Variants in WDR62 observed in about 807,000 individuals in gnomAD.
WDR62 encodes WD repeat domain 62.
A neutral mutation model predicts 160.6 loss-of-function variants in WDR62; 112 were observed. That is an observed-to-expected ratio of 0.70 (90% CI 0.60 to 0.82). The LOEUF (loss-of-function observed/expected upper bound fraction) is 0.82. Ranked by LOEUF, WDR62 falls within the 40% of genes least tolerant of loss-of-function variation. The pLI is 0.00. For missense variants in WDR62, 1,819 were observed against 1,983.8 expected (o/e 0.92, Z 1.58); for synonymous variants, 792 against 815.1 (o/e 0.97, Z 0.48).
At chr19:36,084,859 TGTGTTCG>T in intron 12 of WDR62, 115 bp downstream of exon 12, 1 of 1,000,808 alleles carries the variant, frequency 1.0e-6, no homozygotes, top group Non-Finnish European at 1.5e-6. Flanking sequence ...CTGGGAGTTT[TGTGTTCG>T]GTAAGGGCCC....
At chr19:36,065,860 G>A in intron 3 of WDR62, 98 bp from the exon 4 acceptor site, 1 of 1,198,052 alleles carries the variant, frequency 8.3e-7, no homozygotes, top group Non-Finnish European at 1.2e-6. Flanking sequence ...CGAGGCTTGG[G>A]AGGCAGAAGA....
At chr19:36,088,800 T>G (rs1972409604) in intron 13 of WDR62, among the ~76,000 whole-genome samples, 1 of 152,186 alleles carries the variant, frequency 6.6e-6, no homozygotes, top group African/African-American at 2.4e-5. Flanking sequence ...CAGCCTTTGT[T>G]TCTCTATATG....
chr19:36,071,780 C>T, intron 8 of WDR62, 64 bp downstream of exon 8: 1 of 1,557,056 alleles, frequency 6.4e-7, no homozygotes, highest in South Asian at 1.2e-5. Context: ...TGGCATTCAT[C>T]CATGCTTCCA....
Position 36,067,928 on chromosome 19 carries a change from G to A in WDR62, c.800G>A (p.Gly267Asp). 1 of 1,614,196 alleles carries A rather than the reference G, an allele frequency of 6.2e-7. No homozygotes were observed. The change falls in exon 7 of 32, where the codon GGC (glycine) becomes GAC (aspartate). Residue 267 changes from glycine (G) to aspartate (D), a missense_variant. Gly to Asp is a moderately conservative substitution (Grantham distance 94). Coordinates refer to ENST00000401500, the MANE Select transcript of WDR62 (RefSeq NM_001083961.2). ...GVACGRGRMA[G>D]STFCVSYSGL... ...GCCTGCGGTCGGGGCCGGATGGCGG[G>A]CAGTACCTTCTGTGTGTCCTACTCG...
chr19:36,083,897 G>A (rs1485652229), intron 11 of WDR62, among the ~76,000 whole-genome samples: 1 of 152,126 alleles, frequency 6.6e-6, no homozygotes. Flanking sequence ...AGAAAGTGCC[G>A]ATTTTTTTCT....
At chr19:36,084,509 A>C in intron 11 of WDR62, 144 bp from the exon 12 acceptor site, 1 of 763,828 alleles carries the variant, frequency 1.3e-6, no homozygotes, top group Non-Finnish European at 2.3e-6. Flanking sequence ...TCTAAATGAG[A>C]AAAGTGGTTG....
chr19:36,092,908 G>C (rs1972720617), intron 19 of WDR62, 97 bp downstream of exon 19: 1 of 1,584,574 alleles, frequency 6.3e-7, no homozygotes, highest in African/African-American at 1.3e-5. Flanking sequence ...GACAGCCCTA[G>C]GCCCTGCCCT....
chr19:36,103,383 C>T lies in WDR62; in HGVS notation c.3555C>T (p.Ser1185=), dbSNP rs145448539. 1.2e-5 allele frequency: 20 copies of T among 1,613,994 alleles called. No individual in the cohort carries two copies. In the African/African-American group the frequency reaches 1.3e-4, roughly 11 times the overall value. The part of the protein sequence containing the change: ...LTSLASCVPA[S]SVLPTDRNLP... ...GCCTGGCGTCCTGTGTCCCTGCTTC[C>T]TCCGTGCTGCCCACAGACAGGAATC... is the stretch of plus-strand genomic sequence containing the variant. Residue 1185 remains serine, a synonymous_variant, in exon 30 of 32, where the codon TCC becomes TCT. Transcript: ENST00000401500.
rs371369263 is a variant in WDR62, at chr19:36,089,168, C to G, written c.1837-17C>G. ...GGTTGTCGGGGCATTCTCTGAAGGT[C>G]CTGCCGGCCCTGCCAGGGTTCGGAT... On this transcript the variant is annotated splice_polypyrimidine_tract_variant and intron_variant, in intron 14 of 31. Coordinates refer to ENST00000401500, the MANE Select transcript of WDR62 (RefSeq NM_001083961.2). 13 of 1,613,432 alleles carry G rather than the reference C, an allele frequency of 8.1e-6. No homozygotes were observed. In the African/African-American group the frequency reaches 1.6e-4, roughly 20 times the overall value.
intron 17 of WDR62, 31 bp downstream of exon 17, chr19:36,091,342 C>A: frequency 6.5e-7 from 1 of 1,549,872 alleles, no homozygotes; most frequent in Non-Finnish European, 8.9e-7. Flanking sequence ...GGGATGCCTC[C>A]CCACCCGCCC....
At chr19:36,100,906 G>T in intron 23 of WDR62, 31 bp downstream of exon 23, 1 of 1,613,886 alleles carries the variant, frequency 6.2e-7, no homozygotes, top group Non-Finnish European at 8.5e-7. Context: ...GGGAGCCTTA[G>T]TTGGAGGAAC....
intron 25 of WDR62, 43 bp from the exon 26 acceptor site, chr19:36,101,971 C>T (rs997642836): frequency 3.7e-6 from 6 of 1,613,690 alleles, no homozygotes; most frequent in Admixed American, 1.7e-5. Context: ...TGCTGTGACT[C>T]ATGGTGTTGG....
At chr19:36,068,349 A>AT (rs566847269) in intron 7 of WDR62, among the ~76,000 whole-genome samples, 3 of 151,008 alleles carry the variant, frequency 2.0e-5, no homozygotes, top group Admixed American at 6.6e-5. Context: ...AGAGGATTGC[A>AT]TTTTTTTTTA....
chr19:36,078,181 T>C (rs1459062949), intron 9 of WDR62, among the ~76,000 whole-genome samples: 1 of 149,926 alleles, frequency 6.7e-6, no homozygotes, highest in African/African-American at 2.5e-5. Flanking sequence ...GGAGTCTCAC[T>C]CTGTCGCCCA....
chr19:36,104,914 A>AC lies in WDR62; in HGVS notation c.4463dup (p.Ser1489ValfsTer57), dbSNP rs1340851521. 1 of 1,609,850 alleles carries AC rather than the reference A, an allele frequency of 6.2e-7. No homozygotes were observed. Among genetic ancestry groups the AC allele is most frequent in the Admixed American group, 1.7e-5 (1 of 59,874 alleles). On this transcript the variant is annotated frameshift_variant, in exon 32 of 32. Transcript: ENST00000401500. LOFTEE classifies it high-confidence loss of function. ...CAGCCCAGGCTCTGCCCAGCCCAGG[A>AC]CCCCCGTCCCCACCGACGCTGTACC...
chr19:36,086,812 G>A lies in WDR62; in HGVS notation c.1768G>A (p.Gly590Ser), dbSNP rs1972264242. ...SSSITAIKFA[G>S]NRDIQMISCG... The stretch of plus-strand genomic sequence containing the variant: ...CTCCATCACCGCCATCAAGTTCGCT[G>A]GTGAGCCCCTTTCTTCCCGCTCCCT... Residue 590 changes from glycine (G) to serine (S), a missense_variant and splice_region_variant, in exon 13 of 32, where the codon GGC becomes AGC. By Grantham distance (56) the Gly-to-Ser change is moderately conservative (BLOSUM62 0). Around this residue, in one of 3 missense-constraint regions of WDR62, gnomAD observed 934 missense variants for 1,157.2 expected, o/e 0.81. Transcript: ENST00000401500. 1.9e-6 allele frequency: 3 copies of A among 1,609,380 alleles called. No individual in the cohort carries two copies. In the East Asian group the frequency reaches 6.7e-5, roughly 36 times the overall value.
chr19:36,106,908 C>G (rs559884213), downstream of WDR62, among the ~76,000 whole-genome samples: 10 of 152,302 alleles, frequency 6.6e-5, no homozygotes, highest in South Asian at 2.1e-3. Context: ...AGAACTTGAA[C>G]CACCTGCCTA....
At chr19:36,099,642 C>G in intron 22 of WDR62, 25 bp downstream of exon 22, 2 of 1,611,298 alleles carry the variant, frequency 1.2e-6, no homozygotes, top group Non-Finnish European at 1.7e-6. Context: ...CGCAGCCTGG[C>G]CCATAGCCCC....
chr19:36,086,842 C>T (rs969740988), intron 13 of WDR62, 30 bp downstream of exon 13: 2 of 1,602,632 alleles, frequency 1.2e-6, no homozygotes, highest in Admixed American at 3.4e-5. Context: ...CTCCCTGCGC[C>T]TTGCTAGCTA....
Sources: gnomAD v4.1 joint callset for allele counts (sites outside exome capture counted in the v4.1 genomes callset) on GRCh38, gnomAD v4.1.1 for gene constraint, gnomAD v4.1.1 regional missense constraint, MANE v1.5 for transcripts, NCBI Gene and HGNC (gene_info 2026-07-23, HGNC 2026-07-21) for gene names.